The following DNAH3 variants were observed in gnomAD, a reference collection of about 807,000 sequenced individuals.
The protein encoded by DNAH3 is axonemal beta dynein heavy chain 3.
A neutral mutation model predicts 432.5 loss-of-function variants in DNAH3; 332 were observed. That is an observed-to-expected ratio of 0.77 (90% confidence interval 0.70 to 0.84). DNAH3 has a LOEUF of 0.84. Ranked by LOEUF, DNAH3 falls within the 40% of genes least tolerant of loss-of-function variation. The pLI is 0.00. For missense variants in DNAH3, 4,861 were observed against 5,114.0 expected (o/e 0.95, Z 1.51); for synonymous variants, 1,956 against 1,900.2 (o/e 1.03, Z -0.76).
intron 39 of DNAH3, 128 bp from the exon 40 acceptor site, chr16:21,022,228 G>A (rs2088273840): frequency 2.1e-6 from 2 of 970,100 alleles, no homozygotes; most frequent in Admixed American, 2.3e-5. Flanking sequence ...GGTGCATTGG[G>A]GGAAAACTTA....
At chr16:20,944,802 CGCTGGG>C in intron 57 of DNAH3, 139 bp from the exon 58 acceptor site, 12 of 812,796 alleles carry the variant, frequency 1.5e-5, no homozygotes, top group Non-Finnish European at 2.4e-5. Flanking sequence ...CACACACACA[CGCTGGG>C]AGAACACAAC....
chr16:21,110,725 C>T (rs1307462686), intron 14 of DNAH3, among the ~76,000 whole-genome samples: 1 of 152,006 alleles, frequency 6.6e-6, no homozygotes, highest in African/African-American at 2.4e-5. Flanking sequence ...AACAATGGAA[C>T]CAAACATGGT....
intron 11 of DNAH3, among the ~76,000 whole-genome samples, chr16:21,119,250 C>A (rs2152810352): frequency 6.6e-6 from 1 of 152,312 alleles, no homozygotes; most frequent in South Asian, 2.1e-4. Flanking sequence ...AGTCTTCAAA[C>A]TTAAGAGGAT....
intron 56 of DNAH3, among the ~76,000 whole-genome samples, chr16:20,949,828 G>A (rs759412082): frequency 2.6e-5 from 4 of 152,148 alleles, no homozygotes; most frequent in Admixed American, 6.5e-5. Flanking sequence ...TGGAACAGTT[G>A]GAAGGTAACT....
At chr16:20,951,600 C>T (rs377080580) in intron 56 of DNAH3, among the ~76,000 whole-genome samples, 6 of 151,876 alleles carry the variant, frequency 4.0e-5, no homozygotes, top group Admixed American at 6.6e-5. Flanking sequence ...TGTGTCACCA[C>T]GCCTGGCTAA....
intron 10 of DNAH3, chr16:21,120,941 G>C: frequency 1.0e-6 from 1 of 968,638 alleles, no homozygotes; most frequent in Non-Finnish European, 1.6e-6. Context: ...GCTGCCCAGT[G>C]TTTCTTCTCC....
At chr16:21,020,348 GTA>G (rs58198093) in intron 40 of DNAH3, among the ~76,000 whole-genome samples, 36,378 of 70,144 alleles carry the variant, frequency 0.52, 9,948 homozygotes, top group African/African-American at 0.65. Flanking sequence ...TATAGTGTGT[GTA>G]TATATATATA....
At chr16:21,062,357 A>G (rs1216844813) in intron 25 of DNAH3, 125 bp downstream of exon 25, 2 of 726,028 alleles carry the variant, frequency 2.8e-6, no homozygotes, top group African/African-American at 3.5e-5. Context: ...TTCAGTCGTT[A>G]CATCGTAGAA....
chr16:21,156,201 TTTATTTTATTTTA>T (rs2092896496), intron 1 of DNAH3, among the ~76,000 whole-genome samples: 1 of 139,658 alleles, frequency 7.2e-6, no homozygotes, highest in South Asian at 2.1e-4. Flanking sequence ...TTTTATTTTA[TTTATTTTATTTTA>T]TTTTATTTTA....
chr16:20,961,601 AGAG>A (rs1448990950), intron 53 of DNAH3, among the ~76,000 whole-genome samples: 1 of 152,000 alleles, frequency 6.6e-6, no homozygotes, highest in Non-Finnish European at 1.5e-5. Context: ...CCTTATGAGA[AGAG>A]GAGATGAGGA....
chr16:21,122,201 A>C (rs2092357792), intron 9 of DNAH3, 77 bp from the exon 11 acceptor site: 3 of 1,193,240 alleles, frequency 2.5e-6, no homozygotes. Context: ...TTATACATTC[A>C]TAGAACTACA....
At chr16:20,971,881 C>T (rs536820669) in intron 51 of DNAH3, among the ~76,000 whole-genome samples, 231 of 152,332 alleles carry the variant, frequency 1.5e-3, no homozygotes, top group South Asian at 0.011. Context: ...TAGACCCTTA[C>T]GCTCTGGCAC....
exon 62 of DNAH3, chr16:20,933,270 G>A: frequency 6.2e-7 from 1 of 1,614,226 alleles, no homozygotes; most frequent in African/African-American, 1.3e-5. Context: ...GTGGTGGAGA[G>A]GGTTCCTCTG....
intron 7 of DNAH3, among the ~76,000 whole-genome samples, chr16:21,128,865 G>GAAAA (rs766015503): frequency 1.8e-5 from 1 of 55,810 alleles, no homozygotes; most frequent in Non-Finnish European, 3.8e-5. Context: ...TCTCTACAAA[G>GAAAA]AAAAAAAAAA....
At chr16:21,017,835 A>G (rs1038152713) in intron 41 of DNAH3, among the ~76,000 whole-genome samples, 3 of 152,126 alleles carry the variant, frequency 2.0e-5, no homozygotes, top group African/African-American at 7.2e-5. Context: ...TTATTTCATT[A>G]TTATGAAACA....
intron 20 of DNAH3, among the ~76,000 whole-genome samples, chr16:21,077,865 G>C (rs1473910664): frequency 6.6e-6 from 1 of 152,168 alleles, no homozygotes; most frequent in African/African-American, 2.4e-5. Context: ...CAAAATCACA[G>C]AGCCAGGGAG....
At chr16:21,100,101 T>C (rs1304960556) in intron 16 of DNAH3, among the ~76,000 whole-genome samples, 1 of 148,244 alleles carries the variant, frequency 6.7e-6, no homozygotes, top group Non-Finnish European at 1.5e-5. Flanking sequence ...TCTCTCTCTC[T>C]CTTTATCTCT....
intron 19 of DNAH3, among the ~76,000 whole-genome samples, chr16:21,084,331 T>G (rs896530972): frequency 5.3e-5 from 8 of 152,122 alleles, no homozygotes; most frequent in Non-Finnish European, 1.2e-4. Context: ...TATTTATTTA[T>G]TTATTTATTG....
intron 60 of DNAH3, among the ~76,000 whole-genome samples, chr16:20,936,214 G>A (rs377584587): frequency 7.2e-5 from 11 of 151,764 alleles, no homozygotes; most frequent in African/African-American, 2.4e-4. Flanking sequence ...GTGAAATGGC[G>A]TGATCTCGGC....
Sources: allele counts gnomAD v4.1 joint callset (sites outside exome capture counted in the v4.1 genomes callset), GRCh38; gene constraint gnomAD v4.1.1; transcripts MANE v1.5; gene names NCBI Gene and HGNC (gene_info 2026-07-23, HGNC 2026-07-21).